The following TYW1B variants were observed in gnomAD, a reference collection of about 807,000 sequenced individuals.
The protein encoded by TYW1B is S-adenosyl-L-methionine-dependent tRNA 4-demethylwyosine synthase TYW1B.
In TYW1B, 73 loss-of-function variants were observed where a neutral mutation model predicts 86.9. That is an observed-to-expected ratio of 0.84 (90% CI 0.70 to 1.02). The LOEUF (loss-of-function observed/expected upper bound fraction) is 1.02, where lower values mean the gene tolerates loss of function less well. Among genes scored for constraint, TYW1B ranks in the 50% least tolerant of loss-of-function variants. The pLI, the probability that TYW1B is intolerant of heterozygous loss-of-function variation, is 0.00. For missense variants in TYW1B, 637 were observed against 827.4 expected (o/e 0.77, Z 2.82); for synonymous variants, 248 against 292.8 (o/e 0.85, Z 1.56).
rs1178598952 is a variant in TYW1B, at chr7:72,746,239, T to A, written c.965-1638A>T. The stretch of plus-strand genomic sequence containing the variant: ...CTTTTAACTATTTTTTGTTCTAATT[T>A]AAAAAAAAAAGTTTCCCTGTCCATC... On this transcript the variant is annotated intron_variant, in intron 7 of 13. Coordinates refer to ENST00000620995, the MANE Select transcript of TYW1B (RefSeq NM_001145440.3). Among the ~76,000 whole-genome samples the A allele has an allele frequency of 4.4e-4, 65 of 148,998 alleles. 2 individuals carry two copies. Among genetic ancestry groups the A allele is most frequent in the Non-Finnish European group, 1.6e-4 (11 of 67,084 alleles).
intron 9 of TYW1B, among the ~76,000 whole-genome samples, 170 bp from the exon 10 acceptor site, chr7:72,713,968 A>G (rs1213806138): frequency 1.3e-5 from 2 of 151,334 alleles, no homozygotes; most frequent in Non-Finnish European, 3.0e-5. Context: ...CAGAAAAATC[A>G]GTCAGTAACC....
At chr7:72,815,522 A>G in intron 2 of TYW1B, 41 bp from the exon 3 acceptor site, 1 of 1,540,432 alleles carries the variant, frequency 6.5e-7, no homozygotes, top group Non-Finnish European at 8.8e-7. Flanking sequence ...GTCTTCAATG[A>G]GCCAAATATA....
intron 6 of TYW1B, among the ~76,000 whole-genome samples, chr7:72,794,811 C>G (rs1788278738): frequency 6.6e-6 from 1 of 151,624 alleles, no homozygotes; most frequent in Non-Finnish European, 1.5e-5. Flanking sequence ...TAACAACTTC[C>G]CCACTTTTCT....
chr7:72,809,365 CTG>C (rs1205061868), intron 4 of TYW1B, among the ~76,000 whole-genome samples: 2 of 152,076 alleles, frequency 1.3e-5, no homozygotes, highest in African/African-American at 2.4e-5. Context: ...TTTTTTAAAA[CTG>C]AGCTCAGGCT....
intron 11 of TYW1B, among the ~76,000 whole-genome samples, chr7:72,635,909 T>C (rs1554440685): frequency 6.6e-6 from 1 of 152,246 alleles, no homozygotes; most frequent in African/African-American, 2.4e-5. Context: ...TCTTGGCCTT[T>C]TGGCTAAGAT....
At chr7:72,743,957 C>T (rs1787350337) in intron 8 of TYW1B, among the ~76,000 whole-genome samples, 1 of 151,830 alleles carries the variant, frequency 6.6e-6, no homozygotes. Flanking sequence ...TTCACTTAAA[C>T]TATTCCCAAT....
chr7:72,604,405 C>T (rs184906827), intron 13 of TYW1B, among the ~76,000 whole-genome samples: 3 of 151,992 alleles, frequency 2.0e-5, no homozygotes, highest in Admixed American at 2.0e-4. Flanking sequence ...GAGGTTGCAG[C>T]GAGCTGAGAT....
chr7:72,642,425 C>T (rs1812822265), intron 11 of TYW1B, among the ~76,000 whole-genome samples: 1 of 152,204 alleles, frequency 6.6e-6, no homozygotes, highest in Non-Finnish European at 1.5e-5. Context: ...CTATATGACC[C>T]AGTAATTTTA....
Position 72,694,829 on chromosome 7 carries a change from A to AC in TYW1B, c.1371-8_1371-7insG, listed in dbSNP as rs1177934299. The AC allele has an allele frequency of 6.3e-7, 1 of 1,580,248 alleles. No homozygotes were observed. The highest frequency in any genetic ancestry group is 1.4e-5 in the African/African-American group (1 of 72,338). ...AGTAACTGGCTCGAGGTTCCTTAGT[A>AC]ATTTTTTTTTTTAAAGGAAGAAAGA... On this transcript the variant is annotated splice_region_variant and splice_polypyrimidine_tract_variant and intron_variant, in intron 10 of 13. Transcript: ENST00000620995.
chr7:72,828,190 T>C lies in TYW1B; in HGVS notation c.-115A>G. ...CGGCGTTAGCGCCGTACCGAGTGGC[T>C]GCAGAACTGTGGGCAGCTACGACGC... On this transcript the variant is annotated 5_prime_UTR_variant, in exon 1 of 14. Transcript: ENST00000620995. 2 of 1,558,010 alleles carry C rather than the reference T, an allele frequency of 1.3e-6. No individual in the cohort carries two copies. The highest frequency in any genetic ancestry group is 1.7e-6 in the Non-Finnish European group (2 of 1,147,266).
At chr7:72,705,424 T>C (rs1449461060) in intron 10 of TYW1B, among the ~76,000 whole-genome samples, 1 of 152,202 alleles carries the variant, frequency 6.6e-6, no homozygotes, top group Non-Finnish European at 1.5e-5. Flanking sequence ...AAAGTAAATG[T>C]ACACAGGGAT....
chr7:72,710,664 C>T (rs1786635903), intron 10 of TYW1B, among the ~76,000 whole-genome samples: 1 of 152,084 alleles, frequency 6.6e-6, no homozygotes, highest in African/African-American at 2.4e-5. Context: ...TGTCTTTTAG[C>T]TGGTATGGTG....
chr7:72,702,929 G>A (rs1445527295), intron 10 of TYW1B, among the ~76,000 whole-genome samples: 1 of 149,028 alleles, frequency 6.7e-6, no homozygotes, highest in Non-Finnish European at 1.5e-5. Context: ...TATTTCTGCT[G>A]ACATCCAACC....
rs782113340 is a variant in TYW1B, at chr7:72,766,094, C to T, written c.964+11322G>A. ...GATTCATTAAATAAGAAAATGTCTG[C>T]GTTATTTCTAATATTACAAGCTGTA... On this transcript the variant is annotated intron_variant, in intron 7 of 13. Coordinates refer to ENST00000620995, the MANE Select transcript of TYW1B (RefSeq NM_001145440.3). 3.3e-5 allele frequency among the ~76,000 whole-genome samples: 5 copies of T among 152,242 alleles called. No homozygotes were observed. The East Asian group carries it at 7.7e-4, about 23-fold the overall frequency.
At chr7:72,636,296 T>TAAA (rs1554440735) in intron 11 of TYW1B, among the ~76,000 whole-genome samples, 3 of 152,212 alleles carry the variant, frequency 2.0e-5, no homozygotes, top group Non-Finnish European at 4.4e-5. Context: ...AAGCTGACTG[T>TAAA]GTATCTATAT....
chr7:72,695,949 CTTTT>C (rs1159991591), intron 10 of TYW1B, among the ~76,000 whole-genome samples: 8 of 93,734 alleles, frequency 8.5e-5, no homozygotes, highest in Non-Finnish European at 1.1e-4. Context: ...TTTTTCTTTT[CTTTT>C]TTTTTTTTTT....
Position 72,661,693 on chromosome 7 carries a change from T to C in TYW1B, c.1507-32696A>G, listed in dbSNP as rs191321282. Among the ~76,000 whole-genome samples the C allele has an allele frequency of 9.5e-3, 1,440 of 151,790 alleles. 25 individuals are homozygous for C. The highest frequency in any genetic ancestry group is 0.033 in the African/African-American group (1,371 of 41,310). On this transcript the variant is annotated intron_variant, in intron 11 of 13. Coordinates refer to ENST00000620995, the MANE Select transcript of TYW1B (RefSeq NM_001145440.3). ...TTCCCAACTTTGATTTAAATTTTGC[T>C]TTAAAGAGCTTAATTCTTCAAACTT...
chr7:72,605,608 T>G (rs1585841987), intron 13 of TYW1B, among the ~76,000 whole-genome samples: 1 of 152,148 alleles, frequency 6.6e-6, no homozygotes, highest in Non-Finnish European at 1.5e-5. Flanking sequence ...CACTTCGGCC[T>G]CCCAAAGTGC....
At chr7:72,589,874 C>T (rs1811356189) in intron 13 of TYW1B, among the ~76,000 whole-genome samples, 1 of 151,938 alleles carries the variant, frequency 6.6e-6, no homozygotes, top group Admixed American at 6.6e-5. Context: ...GAAACTCTGT[C>T]TCAAAAATAA....
Sources: gnomAD v4.1 joint callset for allele counts (sites outside exome capture counted in the v4.1 genomes callset) on GRCh38, gnomAD v4.1.1 for gene constraint, MANE v1.5 for transcripts, NCBI Gene and HGNC (gene_info 2026-07-23, HGNC 2026-07-21) for gene names.